Variants in ARID5B observed in about 807,000 individuals in gnomAD.
The protein encoded by ARID5B is AT-rich interaction domain 5B, also known as AT-rich interactive domain-containing protein 5B.
In ARID5B, 13 loss-of-function variants were observed where a neutral mutation model predicts 97.2. The observed-to-expected ratio is 0.13, with a 90% CI of 0.09 to 0.21. The LOEUF is 0.21. Among genes scored for constraint, ARID5B ranks in the 10% least tolerant of loss-of-function variants. The pLI, the probability that ARID5B is intolerant of heterozygous loss-of-function variation, is 1.00. For synonymous variants in ARID5B, 556 were observed against 570.3 expected, an observed-to-expected ratio of 0.97 and a Z score of 0.36; for missense variants, 1,210 against 1,465.3, an observed-to-expected ratio of 0.83 and a Z score of 2.84.
chr10:62,077,782 G>T (rs1490423768), intron 8 of ARID5B, among the ~76,000 whole-genome samples: 2 of 152,096 alleles, frequency 1.3e-5, no homozygotes, highest in African/African-American at 4.8e-5. Flanking sequence ...TGTCCTCAGG[G>T]TTTTATCATT....
chr10:61,967,469 CAG>C (rs1838561876), intron 3 of ARID5B, among the ~76,000 whole-genome samples: 2 of 152,194 alleles, frequency 1.3e-5, no homozygotes, highest in African/African-American at 4.8e-5. Flanking sequence ...TGTGTGAACA[CAG>C]GGGAAATATG....
chr10:61,974,437 A>G (rs1354550524), intron 3 of ARID5B, among the ~76,000 whole-genome samples: 1 of 152,172 alleles, frequency 6.6e-6, no homozygotes, highest in Non-Finnish European at 1.5e-5. Flanking sequence ...TCTTCCCATT[A>G]ACTCTAGCAT....
At chr10:62,030,147 A>T (rs1839477399) in intron 4 of ARID5B, among the ~76,000 whole-genome samples, 1 of 148,934 alleles carries the variant, frequency 6.7e-6, no homozygotes, top group Non-Finnish European at 1.5e-5. Context: ...TTTTTTTTTG[A>T]GACAGAATTT....
intron 3 of ARID5B, among the ~76,000 whole-genome samples, chr10:61,996,952 C>CA (rs925520976): frequency 2.0e-5 from 3 of 151,334 alleles, no homozygotes; most frequent in African/African-American, 7.3e-5. Context: ...TAAGTCTTCG[C>CA]AAAAAAGTAA....
chr10:61,999,562 C>T (rs984515167), intron 3 of ARID5B, among the ~76,000 whole-genome samples: 2 of 152,188 alleles, frequency 1.3e-5, no homozygotes, highest in Non-Finnish European at 2.9e-5. Flanking sequence ...GAGTGTCCTA[C>T]TGCATATCAC....
chr10:61,996,057 G>A (rs1295812700), intron 3 of ARID5B, among the ~76,000 whole-genome samples: 2 of 152,192 alleles, frequency 1.3e-5, no homozygotes, highest in Non-Finnish European at 2.9e-5. Flanking sequence ...GTGGAAGGAG[G>A]TTGATGAAAG....
intron 2 of ARID5B, among the ~76,000 whole-genome samples, chr10:61,909,336 T>TTTTTTTTG: frequency 6.9e-6 from 1 of 144,826 alleles, no homozygotes; most frequent in Non-Finnish European, 1.5e-5. Flanking sequence ...TTTTTTTTTT[T>TTTTTTTTG]TTTTTTTGAG....
intron 8 of ARID5B, among the ~76,000 whole-genome samples, chr10:62,084,985 T>G (rs1455637405): frequency 1.3e-5 from 2 of 152,216 alleles, no homozygotes; most frequent in African/African-American, 4.8e-5. Flanking sequence ...CACGCTGTGC[T>G]TGCCTCTCAT....
chr10:61,926,984 CA>C (rs1410889429), intron 2 of ARID5B, among the ~76,000 whole-genome samples: 2 of 152,052 alleles, frequency 1.3e-5, no homozygotes, highest in Non-Finnish European at 2.9e-5. Context: ...AAAGTAATGG[CA>C]AAAACCACAA....
In ARID5B at chr10:61,959,390, A is replaced by G. The variant is rs529144257; in HGVS notation, c.502+18982A>G. 3.4e-3 allele frequency among the ~76,000 whole-genome samples: 517 copies of G among 152,278 alleles called. 1 individual carries two copies. Among genetic ancestry groups the G allele is most frequent in the South Asian group, 0.01 (50 of 4,820 alleles). The stretch of plus-strand genomic sequence containing the variant: ...CAATTTTATCTAGAATCTGTACTAC[A>G]CCTAATAGGTTCAGTGTTTGGCAGG... On this transcript the variant is annotated intron_variant, in intron 3 of 9. Transcript: ENST00000279873.
intron 3 of ARID5B, among the ~76,000 whole-genome samples, chr10:61,954,818 C>T (rs533022201): frequency 2.0e-5 from 3 of 152,194 alleles, no homozygotes; most frequent in Admixed American, 6.5e-5. Flanking sequence ...ACCAGCCTGA[C>T]CAACATGGAG....
chr10:62,065,633 C>T (rs527855639), intron 7 of ARID5B, among the ~76,000 whole-genome samples: 1 of 152,120 alleles, frequency 6.6e-6, no homozygotes, highest in Admixed American at 6.5e-5. Flanking sequence ...ATCACGAGGT[C>T]AGGAGATCGA....
intron 2 of ARID5B, among the ~76,000 whole-genome samples, chr10:61,905,993 G>A (rs949040962): frequency 5.3e-5 from 8 of 152,136 alleles, no homozygotes; most frequent in Non-Finnish European, 1.2e-4. Flanking sequence ...GTCACATTTT[G>A]ATTCTGCAGC....
intron 8 of ARID5B, among the ~76,000 whole-genome samples, chr10:62,071,858 G>A (rs1211824919): frequency 6.6e-6 from 1 of 152,136 alleles, no homozygotes; most frequent in Non-Finnish European, 1.5e-5. Flanking sequence ...TTTCTCACTC[G>A]ATTAAACTTT....
chr10:61,935,396 T>C (rs1844282202), intron 2 of ARID5B, among the ~76,000 whole-genome samples: 1 of 151,986 alleles, frequency 6.6e-6, no homozygotes, highest in South Asian at 2.1e-4. Context: ...GAATAAGCTA[T>C]CGATACAAGC....
chr10:62,009,114 G>A (rs1839183838), intron 4 of ARID5B, among the ~76,000 whole-genome samples: 1 of 152,240 alleles, frequency 6.6e-6, no homozygotes, highest in Non-Finnish European at 1.5e-5. Flanking sequence ...AGAGCCAGCT[G>A]TACTGCCTGC....
rs527369606 is a variant in ARID5B at position 62,089,967 on chromosome 10, T to C, written c.1399-895T>C. Among the ~76,000 whole-genome samples, 138 of 152,322 alleles carry C rather than the reference T, an allele frequency of 9.1e-4. 1 individual carries two copies. The highest frequency in any genetic ancestry group is 6.8e-3 in the Middle Eastern group (2 of 294). On this transcript the variant is annotated intron_variant, in intron 9 of 9. Transcript: ENST00000279873. ...AAGGGCTTGTCAGTCAGCTGGGTCA[T>C]AGATGGAAAGTTAAAATGACCTCCT...
At position 61,933,719 on chromosome 10, in the gene ARID5B, G is replaced by A. The variant is rs551272594; in HGVS notation, c.277-6464G>A. Among the ~76,000 whole-genome samples, 11 of 152,290 alleles carry A rather than the reference G, an allele frequency of 7.2e-5. No individual in the cohort carries two copies. The East Asian group carries it at 2.1e-3, about 29-fold the overall frequency. ...AGGCTTAAAATTTTCAGTAAACCCT[G>A]CTGTAAACAGATGTGCTCTCAATCC... is the stretch of plus-strand genomic sequence containing the variant. On this transcript the variant is annotated intron_variant, in intron 2 of 9. Transcript: ENST00000279873.
intron 3 of ARID5B, among the ~76,000 whole-genome samples, chr10:61,959,363 G>A (rs560006029): frequency 6.6e-6 from 1 of 152,166 alleles, no homozygotes; most frequent in South Asian, 2.1e-4. Context: ...GTGAAGGTAG[G>A]GCAATTTTAT....
Sources: gnomAD v4.1 joint callset for allele counts (sites outside exome capture counted in the v4.1 genomes callset) on GRCh38, gnomAD v4.1.1 for gene constraint, MANE v1.5 for transcripts, NCBI Gene and HGNC (gene_info 2026-07-23, HGNC 2026-07-21) for gene names.